PITPNM3: variants seen among roughly 807,000 people sequenced by gnomAD.
PITPNM3 encodes PITPNM family member 3, also known as membrane-associated phosphatidylinositol transfer protein 3.
In PITPNM3, 26 loss-of-function variants were observed where a neutral mutation model predicts 102.0. That is an observed-to-expected ratio of 0.25 (90% CI 0.19 to 0.35). The LOEUF is 0.35. Among genes scored for constraint, PITPNM3 ranks in the 10% least tolerant of loss-of-function variants. The probability of loss-of-function intolerance (pLI) is 1.00; values close to 1 mark genes in which losing one functional copy is unlikely to be tolerated. For missense variants in PITPNM3, 1,083 were observed against 1,346.1 expected, an observed-to-expected ratio of 0.80 and a Z score of 3.06; for synonymous variants, 578 against 558.6, an observed-to-expected ratio of 1.03 and a Z score of -0.49.
chr17:6,530,557 G>A (rs1909089976), intron 2 of PITPNM3, among the ~76,000 whole-genome samples: 1 of 152,212 alleles, frequency 6.6e-6, no homozygotes, highest in South Asian at 2.1e-4. Flanking sequence ...GGGGGTAAAT[G>A]CAGAAAGGAG....
Position 6,527,461 on chromosome 17 carries a change from T to C in PITPNM3, c.119-1998A>G, listed in dbSNP as rs116826751. 7.7e-3 allele frequency among the ~76,000 whole-genome samples: 1,166 copies of C among 152,274 alleles called. 11 individuals carry two copies. Among genetic ancestry groups the C allele is most frequent in the African/African-American group, 0.027 (1,102 of 41,550 alleles). On this transcript the variant is annotated intron_variant, in intron 2 of 19. Transcript: ENST00000262483. The stretch of plus-strand genomic sequence containing the variant: ...AGTAAAAGCACAGGCTGAGATGCCA[T>C]TGCATGATGGTATCATCATCACCAG...
intron 3 of PITPNM3, among the ~76,000 whole-genome samples, chr17:6,512,786 A>G (rs1907942582): frequency 6.6e-6 from 1 of 152,184 alleles, no homozygotes; most frequent in East Asian, 1.9e-4. Context: ...TCCTGTCAAC[A>G]AGAACGTGGC....
intron 1 of PITPNM3, among the ~76,000 whole-genome samples, chr17:6,547,090 G>A (rs1370885918): frequency 6.6e-6 from 1 of 152,096 alleles, no homozygotes; most frequent in Non-Finnish European, 1.5e-5. Flanking sequence ...TCGTCTTCAC[G>A]ATAGCCCAGG....
At position 6,468,326 on chromosome 17, in the gene PITPNM3, T is replaced by C; in HGVS notation, c.1789A>G (p.Ser597Gly). The change falls in exon 14 of 20, where the codon AGC becomes GGC. Residue 597 changes from serine to glycine, a missense_variant. Transcript: ENST00000262483. This position sits in a 1 kb window ranked among gnomAD's most constrained non-coding sequence, Gnocchi z 5.2. Reference sequence around the variant, plus strand: ...CGGGCGCTTTCCTTGATGTTCACGCTCTCATAGCGCATTACCTAGCCAAGA... The same window carrying C: ...CGGGCGCTTTCCTTGATGTTCACGCCCTCATAGCGCATTACCTAGCCAAGA... The part of the protein sequence containing the change: ...FILRQVMRYE[S>G]VNIKESARLD... 6.2e-7 allele frequency: 1 copy of C among 1,614,096 alleles called. No individual in the cohort carries two copies. The highest frequency in any genetic ancestry group is 8.5e-7 in the Non-Finnish European group (1 of 1,180,008).
rs181944504 is a variant in PITPNM3, at chr17:6,465,094, C to G, written c.1891-323G>C. ...TGAGAAGGAGTTTTGCTCTTGTTGC[C>G]CAGGCTGGAGTGCAATGGCGCAATC... On this transcript the variant is annotated intron_variant, in intron 14 of 19. Transcript: ENST00000262483. Among the ~76,000 whole-genome samples the G allele has an allele frequency of 3.9e-4, 60 of 152,186 alleles. 1 individual carries two copies. Among genetic ancestry groups the G allele is most frequent in the Admixed American group, 7.2e-4 (11 of 15,296 alleles).
At chr17:6,554,521 G>GA (rs1211013512) in intron 1 of PITPNM3, among the ~76,000 whole-genome samples, 1 of 152,036 alleles carries the variant, frequency 6.6e-6, no homozygotes, top group African/African-American at 2.4e-5. Context: ...AATTGCAGCA[G>GA]AAAAAAACCA....
intron 4 of PITPNM3, among the ~76,000 whole-genome samples, chr17:6,501,207 G>T (rs1392202129): frequency 6.6e-6 from 1 of 152,186 alleles, no homozygotes; most frequent in Non-Finnish European, 1.5e-5. Flanking sequence ...CAGGTGCTCA[G>T]AAGGGGAGAT....
Position 6,468,972 on chromosome 17 carries a change from A to C in PITPNM3, c.1774-631T>G. 6.6e-6 allele frequency among the ~76,000 whole-genome samples: 1 copy of C among 150,940 alleles called. No individual in the cohort carries two copies. Among genetic ancestry groups the C allele is most frequent in the Non-Finnish European group, 1.5e-5 (1 of 67,720 alleles). ...CAGGGTTCTTCTCCATCACTCCTCT[A>C]CGGAAGCCATTCTTGCCACTGCCCC... is the stretch of plus-strand genomic sequence containing the variant. On this transcript the variant is annotated intron_variant, in intron 13 of 19. Transcript: ENST00000262483. This position sits in a 1 kb window ranked among gnomAD's most constrained non-coding sequence, Gnocchi z 5.2.
rs1206645851 is a variant in PITPNM3 at position 6,472,486 on chromosome 17, C to A, written c.1429+171G>T. 6.6e-6 allele frequency among the ~76,000 whole-genome samples: 1 copy of A among 152,240 alleles called. No individual in the cohort carries two copies. The highest frequency in any genetic ancestry group is 1.5e-5 in the Non-Finnish European group (1 of 68,042). On this transcript the variant is annotated intron_variant, in intron 11 of 19. Coordinates refer to ENST00000262483, the MANE Select transcript of PITPNM3 (RefSeq NM_031220.4). The surrounding 1 kb of genome is among the most constrained non-coding windows in gnomAD (Gnocchi z 4.1). The stretch of plus-strand genomic sequence containing the variant: ...TGAGCCCCAAGATGCCTCAGACAAG[C>A]AGGTGCTTAGCACAGGTGGGCGACT...
Position 6,463,725 on chromosome 17 carries a change from C to T in PITPNM3, c.2306+7G>A, listed in dbSNP as rs376533996. ...GAGATATAGCCCTCGTGGAAGGTGG[C>T]ACTCACCGGACAACATCCACTGCAC... On this transcript the variant is annotated splice_region_variant and intron_variant, in intron 17 of 19. Transcript: ENST00000262483. 5.0e-6 allele frequency: 8 copies of T among 1,610,554 alleles called. No homozygotes were observed. Among genetic ancestry groups the T allele is most frequent in the African/African-American group, 2.7e-5 (2 of 74,830 alleles).
At chr17:6,502,147 G>A (rs34279026) in intron 4 of PITPNM3, among the ~76,000 whole-genome samples, 46,835 of 152,188 alleles carry the variant, frequency 0.31, 7,240 homozygotes, top group South Asian at 0.4. Context: ...TTGAATGCTA[G>A]AAGCAGAAAA....
intron 8 of PITPNM3, 39 bp from the exon 9 acceptor site, chr17:6,477,252 T>C: frequency 1.2e-6 from 2 of 1,600,836 alleles, no homozygotes; most frequent in East Asian, 2.2e-5. Context: ...AAAAAGACTG[T>C]TGTCACGGGA....
chr17:6,505,004 G>A (rs949252265), intron 3 of PITPNM3, among the ~76,000 whole-genome samples: 1 of 151,868 alleles, frequency 6.6e-6, no homozygotes, highest in South Asian at 2.1e-4. Flanking sequence ...GTGGAACCCT[G>A]TCTCTACTAA....
chr17:6,507,742 G>A (rs990753576), intron 3 of PITPNM3, among the ~76,000 whole-genome samples: 1 of 152,152 alleles, frequency 6.6e-6, no homozygotes, highest in Admixed American at 6.5e-5. Context: ...TATGTGTCAG[G>A]CCCTGGAGGA....
At chr17:6,539,065 C>A (rs1197796396) in intron 1 of PITPNM3, among the ~76,000 whole-genome samples, 2 of 152,218 alleles carry the variant, frequency 1.3e-5, no homozygotes, top group South Asian at 4.1e-4. Context: ...ACCACAAACT[C>A]CCAAACACAC....
At position 6,472,593 on chromosome 17, in the gene PITPNM3, G is replaced by A; in HGVS notation, c.1429+64C>T. 1 of 1,551,910 alleles carries A rather than the reference G, an allele frequency of 6.4e-7. No individual in the cohort carries two copies. The highest frequency in any genetic ancestry group is 1.4e-5 in the African/African-American group (1 of 73,400). ...CACCCTACTCACTGAGAGCTTGGAG[G>A]GGTTGAATGGGCTGGGGCCCCACCT... On this transcript the variant is annotated intron_variant, in intron 11 of 19. Coordinates refer to ENST00000262483, the MANE Select transcript of PITPNM3 (RefSeq NM_031220.4). The surrounding 1 kb of genome is among the most constrained non-coding windows in gnomAD (Gnocchi z 4.1).
chr17:6,548,371 G>A (rs1017842834), intron 1 of PITPNM3, among the ~76,000 whole-genome samples: 36 of 152,266 alleles, frequency 2.4e-4, no homozygotes, highest in East Asian at 7.7e-4. Flanking sequence ...CAGAGGCTGC[G>A]AGGGGTAAAC....
chr17:6,475,645 C>T (rs1206541854), intron 9 of PITPNM3, among the ~76,000 whole-genome samples: 2 of 152,142 alleles, frequency 1.3e-5, no homozygotes, highest in East Asian at 3.9e-4. Context: ...ACAGCGTGGT[C>T]CCTAAACACA....
chr17:6,530,532 G>A (rs998671401), intron 2 of PITPNM3, among the ~76,000 whole-genome samples: 1 of 152,272 alleles, frequency 6.6e-6, no homozygotes, highest in Admixed American at 6.5e-5. Context: ...AAGAAACCAA[G>A]GACACAAAAG....
Sources: gnomAD v4.1 joint callset for allele counts (sites outside exome capture counted in the v4.1 genomes callset) on GRCh38, gnomAD v4.1.1 for gene constraint, Gnocchi (gnomAD v3.1) non-coding constraint, MANE v1.5 for transcripts, NCBI Gene and HGNC (gene_info 2026-07-23, HGNC 2026-07-21) for gene names.